COL4A2: variants seen among roughly 807,000 people sequenced by gnomAD.
The protein encoded by COL4A2 is collagen type IV alpha 2 chain, also known as collagen alpha-2(IV) chain.
In COL4A2, 99 loss-of-function variants were observed where a neutral mutation model predicts 200.2. That is an observed-to-expected ratio of 0.49 (90% CI 0.42 to 0.58). COL4A2 has a LOEUF of 0.58. COL4A2 is among the 20% of genes least tolerant of loss of function. The probability of loss-of-function intolerance (pLI) is 0.00; values close to 1 mark genes in which losing one functional copy is unlikely to be tolerated. For missense variants in COL4A2, 1,950 were observed against 2,314.1 expected (o/e 0.84, Z 3.23); for synonymous variants, 897 against 900.6 (o/e 1.00, Z 0.07).
At chr13:110,423,335 T>A (rs971832156) in intron 4 of COL4A2, among the ~76,000 whole-genome samples, 1 of 152,148 alleles carries the variant, frequency 6.6e-6, no homozygotes, top group African/African-American at 2.4e-5. Context: ...ATTTTAAAAT[T>A]TTTCTTGTAT....
intron 4 of COL4A2, among the ~76,000 whole-genome samples, chr13:110,415,826 A>C (rs1480923258): frequency 6.6e-6 from 1 of 152,170 alleles, no homozygotes; most frequent in Non-Finnish European, 1.5e-5. Context: ...CAGACTCTGC[A>C]GGGCTGTTAG....
chr13:110,505,143 G>A (rs1386891627), intron 45 of COL4A2, among the ~76,000 whole-genome samples: 5 of 151,626 alleles, frequency 3.3e-5, no homozygotes, highest in South Asian at 2.1e-4. Flanking sequence ...AAGGGCAGGA[G>A]ATCGAGACCA....
At chr13:110,403,473 C>A (rs774553026) in intron 4 of COL4A2, among the ~76,000 whole-genome samples, 1 of 152,170 alleles carries the variant, frequency 6.6e-6, no homozygotes, top group Non-Finnish European at 1.5e-5. Flanking sequence ...CAAGGATGGC[C>A]TTCCCTTTAG....
At chr13:110,510,018 CTT>C (rs1299658537) in intron 47 of COL4A2, among the ~76,000 whole-genome samples, 5 of 152,356 alleles carry the variant, frequency 3.3e-5, no homozygotes, top group African/African-American at 9.6e-5. Context: ...TTTAAATACT[CTT>C]TGATCCCTTC....
intron 4 of COL4A2, among the ~76,000 whole-genome samples, chr13:110,410,693 G>A (rs1394033842): frequency 6.6e-6 from 1 of 152,170 alleles, no homozygotes; most frequent in Non-Finnish European, 1.5e-5. Flanking sequence ...GGTTTGTTCA[G>A]AAATCAAAAC....
At chr13:110,334,073 G>A (rs762792782) in intron 3 of COL4A2, among the ~76,000 whole-genome samples, 11 of 152,240 alleles carry the variant, frequency 7.2e-5, no homozygotes, top group East Asian at 1.9e-4. Flanking sequence ...CTTTGAGGGC[G>A]AGGGTCACAC....
chr13:110,446,265 G>GT (rs1241570162), intron 17 of COL4A2, among the ~76,000 whole-genome samples: 4 of 152,220 alleles, frequency 2.6e-5, no homozygotes, highest in Non-Finnish European at 5.9e-5. Flanking sequence ...GGAAGACCAG[G>GT]TGGGTGCTGC....
At chr13:110,344,359 ATTTTC>A (rs1876607529) in intron 3 of COL4A2, among the ~76,000 whole-genome samples, 1 of 152,120 alleles carries the variant, frequency 6.6e-6, no homozygotes, top group Non-Finnish European at 1.5e-5. Flanking sequence ...TATGCAGCCA[ATTTTC>A]TTATTAGTTA....
chr13:110,500,571 T>G (rs912786112), intron 40 of COL4A2, among the ~76,000 whole-genome samples: 1 of 152,172 alleles, frequency 6.6e-6, no homozygotes, highest in African/African-American at 2.4e-5. Context: ...GCCAAAGAGC[T>G]CCAGCCTTTG....
At chr13:110,452,120 T>TTTGTTTG (rs1881559745) in intron 20 of COL4A2, among the ~76,000 whole-genome samples, 3 of 151,280 alleles carry the variant, frequency 2.0e-5, no homozygotes, top group Non-Finnish European at 4.4e-5. Context: ...AAAGTCTCTG[T>TTTGTTTG]TTTGTTTGTT....
intron 4 of COL4A2, among the ~76,000 whole-genome samples, chr13:110,388,333 G>A (rs1878846404): frequency 6.6e-6 from 1 of 152,220 alleles, no homozygotes; most frequent in African/African-American, 2.4e-5. Flanking sequence ...TTGGCCAGTA[G>A]GTGTGGGCGT....
At chr13:110,313,501 C>T (rs1471953677) in intron 3 of COL4A2, among the ~76,000 whole-genome samples, 9 of 150,766 alleles carry the variant, frequency 6.0e-5, no homozygotes, top group African/African-American at 1.5e-4. Flanking sequence ...GCTCCCACCC[C>T]GGTGCCCCGC....
intron 16 of COL4A2, among the ~76,000 whole-genome samples, chr13:110,445,357 C>G (rs751184025): frequency 6.6e-6 from 1 of 152,160 alleles, no homozygotes; most frequent in Non-Finnish European, 1.5e-5. Context: ...GCATCCTCCG[C>G]AAATGATCCC....
rs930650487 is a variant in COL4A2, at chr13:110,334,457, G to A, written c.100-23015G>A. On this transcript the variant is annotated intron_variant, in intron 3 of 47. Coordinates refer to ENST00000360467, the MANE Select transcript of COL4A2 (RefSeq NM_001846.4). ...CTGCCTGGGGAGCAGACCCATGGCC[G>A]CATTCCAGAAAGAGTGTTCATGCTC... is the stretch of plus-strand genomic sequence containing the variant. 3.3e-5 allele frequency among the ~76,000 whole-genome samples: 5 copies of A among 152,192 alleles called. No homozygotes were observed. The South Asian group carries it at 6.2e-4, about 19-fold the overall frequency.
chr13:110,506,271 TC>T, intron 45 of COL4A2, 143 bp from the exon 46 acceptor site: 1 of 900,400 alleles, frequency 1.1e-6, no homozygotes, highest in South Asian at 1.8e-5. Flanking sequence ...TCTCTCTCTC[TC>T]TCTCTCTCGG....
At chr13:110,445,778 T>C in intron 16 of COL4A2, 51 bp from the exon 17 acceptor site, 1 of 1,606,750 alleles carries the variant, frequency 6.2e-7, no homozygotes, top group Non-Finnish European at 8.5e-7. Flanking sequence ...CAGTCCCTTT[T>C]TGGAGTTATA....
chr13:110,334,961 G>A (rs1449137302), intron 3 of COL4A2, among the ~76,000 whole-genome samples: 1 of 152,148 alleles, frequency 6.6e-6, no homozygotes, highest in Non-Finnish European at 1.5e-5. Context: ...CCAGGGAGGA[G>A]GAAGATAAAG....
At chr13:110,343,959 C>T (rs561830034) in intron 3 of COL4A2, among the ~76,000 whole-genome samples, 2 of 152,256 alleles carry the variant, frequency 1.3e-5, no homozygotes, top group South Asian at 4.1e-4. Flanking sequence ...TATGCCAATA[C>T]TAACCACATA....
intron 30 of COL4A2, 71 bp from the exon 31 acceptor site, chr13:110,480,148 CG>C (rs1200419554): frequency 6.2e-6 from 9 of 1,449,628 alleles, no homozygotes; most frequent in Non-Finnish European, 4.6e-6. Flanking sequence ...CACTCAATGC[CG>C]TAAAAGCAGA....
Sources: allele counts gnomAD v4.1 joint callset (sites outside exome capture counted in the v4.1 genomes callset), GRCh38; gene constraint gnomAD v4.1.1; transcripts MANE v1.5; gene names NCBI Gene and HGNC (gene_info 2026-07-23, HGNC 2026-07-21).